FOXP2: variants seen among roughly 807,000 people sequenced by gnomAD.
FOXP2 encodes forkhead box protein P2.
In FOXP2, 12 loss-of-function variants were observed where a neutral mutation model predicts 115.8. The observed-to-expected ratio is 0.10, with a 90% CI of 0.07 to 0.17. FOXP2 has a LOEUF of 0.17. FOXP2 is among the 10% of genes least tolerant of loss of function. The pLI is 1.00. For missense variants in FOXP2, 629 were observed against 843.5 expected (o/e 0.75, Z 3.15); for synonymous variants, 328 against 297.7 (o/e 1.10, Z -1.05).
Position 114,653,974 on chromosome 7 carries a change from A to T in FOXP2, c.1231A>T (p.Met411Leu). The T allele has an allele frequency of 6.2e-7, 1 of 1,613,432 alleles. No homozygotes were observed. Among genetic ancestry groups the T allele is most frequent in the Non-Finnish European group, 8.5e-7 (1 of 1,179,502 alleles). Reference sequence around the variant, plus strand: ...TCAAGCAATGATGACCCACTTGCACATGCGACCCTCAGAGCCCAAACCATC... The same window carrying T: ...TCAAGCAATGATGACCCACTTGCACTTGCGACCCTCAGAGCCCAAACCATC... Reference protein sequence around the residue: ...RLQAMMTHLHMRPSEPKPSPK... With the variant: ...RLQAMMTHLHLRPSEPKPSPK... The change falls in exon 10 of 17, where the codon ATG (methionine) becomes TTG (leucine). Residue 411 changes from methionine to leucine, a missense_variant. By Grantham distance (15) the Met-to-Leu change is conservative. Transcript: ENST00000350908.
chr7:114,448,766 T>C (rs1794944859), intron 2 of FOXP2, among the ~76,000 whole-genome samples: 1 of 152,296 alleles, frequency 6.6e-6, no homozygotes, highest in South Asian at 2.1e-4. Context: ...CCTGCCATTT[T>C]CTTATAATTG....
chr7:114,182,187 T>G (rs898288491), intron 1 of FOXP2, among the ~76,000 whole-genome samples: 1 of 152,072 alleles, frequency 6.6e-6, no homozygotes, highest in East Asian at 1.9e-4. Context: ...TGGTGTCTTA[T>G]CTCTTCAAAA....
intron 1 of FOXP2, among the ~76,000 whole-genome samples, chr7:114,141,812 T>A (rs1792218125): frequency 6.6e-6 from 1 of 152,224 alleles, no homozygotes; most frequent in Non-Finnish European, 1.5e-5. Flanking sequence ...TGCCATGGGC[T>A]ACAGGTATAA....
chr7:114,113,534 A>G (rs911364338), intron 1 of FOXP2, among the ~76,000 whole-genome samples: 1 of 152,038 alleles, frequency 6.6e-6, no homozygotes. Context: ...GGTGTGTGCT[A>G]CCATTTTTTA....
intron 1 of FOXP2, among the ~76,000 whole-genome samples, chr7:114,251,931 C>A (rs1795456002): frequency 1.3e-5 from 2 of 152,122 alleles, no homozygotes; most frequent in Non-Finnish European, 2.9e-5. Flanking sequence ...GTGGGTTTGT[C>A]ATAAATAGCT....
chr7:114,255,441 A>C (rs933308326), intron 1 of FOXP2, among the ~76,000 whole-genome samples: 1 of 152,172 alleles, frequency 6.6e-6, no homozygotes. Context: ...GGCTCCACCC[A>C]GTTGGAGCTT....
upstream of FOXP2, among the ~76,000 whole-genome samples, chr7:114,161,357 A>C (rs1792825886): frequency 6.6e-6 from 1 of 152,320 alleles, no homozygotes; most frequent in South Asian, 2.1e-4. Context: ...CTAGGTAAAT[A>C]ATTGCGAATA....
At chr7:114,087,711 C>T (rs1421652132), upstream of FOXP2, 1 of 150,810 alleles carries the variant, frequency 6.6e-6, no homozygotes, top group Non-Finnish European at 1.5e-5. Flanking sequence ...CTCTGCCCAC[C>T]CGCGAGGCCG....
chr7:114,286,218 T>A lies in FOXP2; in HGVS notation c.-101-1801T>A, dbSNP rs111381796. ...AACACTCTCATGTATGTATGAGCTG[T>A]TATATATATGTATATATGAACTCTA... On this transcript the variant is annotated intron_variant, in intron 1 of 17. Transcript: ENST00000634411. Among the ~76,000 whole-genome samples, 195 of 152,108 alleles carry A rather than the reference T, an allele frequency of 1.3e-3. 1 individual carries two copies. Among genetic ancestry groups the A allele is most frequent in the African/African-American group, 4.4e-3 (181 of 41,526 alleles).
chr7:114,127,448 T>G (rs1035546359), intron 1 of FOXP2, among the ~76,000 whole-genome samples: 4 of 152,186 alleles, frequency 2.6e-5, no homozygotes, highest in Admixed American at 6.5e-5. Flanking sequence ...AAATTTCTTT[T>G]GGGTGCATAG....
In FOXP2 at chr7:114,562,452, T is replaced by G. The variant is rs188108014; in HGVS notation, c.258+27746T>G. Among the ~76,000 whole-genome samples, 227 of 152,230 alleles carry G rather than the reference T, an allele frequency of 1.5e-3. 1 individual carries two copies. The highest frequency in any genetic ancestry group is 5.0e-3 in the African/African-American group (209 of 41,546). ...TCACCTTCTACTTCAGAGAAAAAAT[T>G]TAGAGGCCACCAGGCAAGAACTCCC... On this transcript the variant is annotated intron_variant, in intron 3 of 16. Transcript: ENST00000350908.
intron 1 of FOXP2, among the ~76,000 whole-genome samples, chr7:114,420,212 T>C (rs1011772920): frequency 6.6e-6 from 1 of 151,844 alleles, no homozygotes; most frequent in Non-Finnish European, 1.5e-5. Context: ...GAGCTCTCAT[T>C]AGCCAGGGGA....
intron 2 of FOXP2, among the ~76,000 whole-genome samples, chr7:114,334,890 G>T (rs187682914): frequency 7.1e-6 from 1 of 141,494 alleles, no homozygotes; most frequent in African/African-American, 2.6e-5. Context: ...GGATATCTCT[G>T]TGTGTGTGTG....
intron 6 of FOXP2, among the ~76,000 whole-genome samples, chr7:114,632,751 T>A (rs939004641): frequency 6.6e-6 from 1 of 152,020 alleles, no homozygotes; most frequent in African/African-American, 2.4e-5. Context: ...ATTCACCTGA[T>A]TGAAGCACTC....
chr7:114,644,927 C>T, intron 8 of FOXP2, 138 bp downstream of exon 8: 1 of 652,940 alleles, frequency 1.5e-6, no homozygotes, highest in Non-Finnish European at 2.7e-6. Context: ...TTGTGGGTTC[C>T]AACAAGTGGA....
At chr7:114,200,695 C>T (rs1208923888) in intron 1 of FOXP2, among the ~76,000 whole-genome samples, 3 of 152,194 alleles carry the variant, frequency 2.0e-5, no homozygotes, top group African/African-American at 7.2e-5. Context: ...TTTTAGCCTT[C>T]CCATTCCTCT....
intron 1 of FOXP2, among the ~76,000 whole-genome samples, chr7:114,224,528 C>T (rs1794702973): frequency 2.6e-5 from 4 of 152,158 alleles, no homozygotes; most frequent in African/African-American, 9.7e-5. Flanking sequence ...AAATTACCTC[C>T]ATCAACATTT....
intron 1 of FOXP2, among the ~76,000 whole-genome samples, chr7:114,180,227 T>C (rs1156890168): frequency 6.6e-6 from 1 of 152,008 alleles, no homozygotes; most frequent in African/African-American, 2.4e-5. Context: ...TAATCGCTTG[T>C]CTTCTCTGAA....
chr7:114,669,276 G>A (rs1164770329), intron 16 of FOXP2: 4 of 151,942 alleles, frequency 2.6e-5, no homozygotes, highest in Non-Finnish European at 1.5e-5. Flanking sequence ...GCAAAAAGTA[G>A]GAAAGGTTAA....
Sources: allele counts gnomAD v4.1 joint callset (sites outside exome capture counted in the v4.1 genomes callset), GRCh38; gene constraint gnomAD v4.1.1; transcripts MANE v1.5; gene names NCBI Gene and HGNC (gene_info 2026-07-23, HGNC 2026-07-21).